CDC123: variants seen among roughly 807,000 people sequenced by gnomAD.
CDC123 encodes the protein translation initiation factor eIF2 assembly protein.
A neutral mutation model predicts 54.4 loss-of-function variants in CDC123; 37 were observed. The ratio of observed to expected loss-of-function variants is 0.68; its 90% confidence interval spans 0.52 to 0.89. The LOEUF is 0.89. Among genes scored for constraint, CDC123 ranks in the 40% least tolerant of loss-of-function variants. The probability of loss-of-function intolerance (pLI) is 0.00; values close to 1 mark genes in which losing one functional copy is unlikely to be tolerated. For synonymous variants in CDC123, 144 were observed against 136.8 expected (o/e 1.05, Z -0.37); for missense variants, 361 against 412.1 (o/e 0.88, Z 1.07).
chr10:12,242,481 CG>C (rs1359158322), intron 10 of CDC123, among the ~76,000 whole-genome samples: 19 of 152,144 alleles, frequency 1.2e-4, no homozygotes, highest in African/African-American at 4.3e-4. Context: ...TTTTGTGTTA[CG>C]ATCTTCATGC....
chr10:12,239,918 G>C (rs1444211592), intron 10 of CDC123, among the ~76,000 whole-genome samples: 1 of 149,758 alleles, frequency 6.7e-6, no homozygotes, highest in East Asian at 2.0e-4. Flanking sequence ...TGAGGCGGGA[G>C]AATGGCGTGA....
chr10:12,234,914 A>G, intron 7 of CDC123, 134 bp from the exon 8 acceptor site: 1 of 625,678 alleles, frequency 1.6e-6, no homozygotes, highest in Non-Finnish European at 2.8e-6. Context: ...ATGCCCGGCC[A>G]AGAATGTCAT....
intron 2 of CDC123, among the ~76,000 whole-genome samples, chr10:12,203,528 G>A (rs1374972621): frequency 6.6e-6 from 1 of 152,168 alleles, no homozygotes; most frequent in Non-Finnish European, 1.5e-5. Flanking sequence ...AGGGTTCGGT[G>A]AGAAAGCATG....
At position 12,224,041 on chromosome 10, in the gene CDC123, A is replaced by C. The variant is rs906826318; in HGVS notation, c.440+6574A>C. On this transcript the variant is annotated intron_variant, in intron 6 of 12. Coordinates refer to ENST00000281141, the MANE Select transcript of CDC123 (RefSeq NM_006023.3). ...CTCACCCTTTCCCCTGAGTCCCAGA[A>C]GTCCAGTGTATCATTTTTATGCCTT... Among the ~76,000 whole-genome samples, 3 of 152,018 alleles carry C rather than the reference A, an allele frequency of 2.0e-5. No individual in the cohort carries two copies. In the East Asian group the frequency reaches 5.8e-4, roughly 29 times the overall value.
At position 12,244,376 on chromosome 10, in the gene CDC123, G is replaced by A. The variant is rs562581849; in HGVS notation, c.718-1773G>A. On this transcript the variant is annotated intron_variant, in intron 10 of 12. Transcript: ENST00000281141. The stretch of plus-strand genomic sequence containing the variant: ...AAAGGAGCAAAGATAAACCTTTCGA[G>A]GAAACATCCATCCACTTCGTGTCAA... Among the ~76,000 whole-genome samples, 4 of 152,366 alleles carry A rather than the reference G, an allele frequency of 2.6e-5. No homozygotes were observed. In the East Asian group the frequency reaches 7.7e-4, roughly 29 times the overall value.
rs1426121676 is a variant in CDC123, at chr10:12,239,714, A to ATT, written c.717+1229_717+1230insTT. ...CAAGAGCGAAACTCTGTTTTTTAAA[A>ATT]AAAAAAAAAAGGGGCCGGGCGCGGT... On this transcript the variant is annotated intron_variant, in intron 10 of 12. Transcript: ENST00000281141. Among the ~76,000 whole-genome samples the ATT allele has an allele frequency of 9.1e-4, 133 of 145,948 alleles. No individual in the cohort carries two copies. The East Asian group carries it at 0.022, about 24-fold the overall frequency.
intron 4 of CDC123, among the ~76,000 whole-genome samples, chr10:12,213,500 T>C (rs1835629059): frequency 6.6e-6 from 1 of 151,510 alleles, no homozygotes; most frequent in Admixed American, 6.6e-5. Flanking sequence ...TAAAGGGACC[T>C]GACAACTAGA....
Position 12,215,854 on chromosome 10 carries a change from T to G in CDC123, c.333+19T>G. On this transcript the variant is annotated intron_variant, in intron 5 of 12. Transcript: ENST00000281141. ...CCCAAGGGTAGGAACACATAAGTAA[T>G]TCTCTTACTGTTTGAATATTCTTTG... The G allele has an allele frequency of 6.8e-7, 1 of 1,463,150 alleles. No homozygotes were observed. The highest frequency in any genetic ancestry group is 9.4e-7 in the Non-Finnish European group (1 of 1,058,574). The allele number at this position is 1,463,150 out of a possible 1,614,324, so 90.6% of individuals were successfully genotyped here. A position where few individuals can be genotyped will look rare whatever the true frequency, so the allele number is the denominator to read the frequency against.
intron 6 of CDC123, among the ~76,000 whole-genome samples, chr10:12,224,391 G>A (rs1190913500): frequency 6.6e-6 from 1 of 151,386 alleles, no homozygotes; most frequent in Non-Finnish European, 1.5e-5. Flanking sequence ...AAATATGCTG[G>A]CATAATTTCA....
At chr10:12,250,255 G>A in intron 12 of CDC123, 56 bp from the exon 13 acceptor site, 1 of 1,115,044 alleles carries the variant, frequency 9.0e-7, no homozygotes, top group Non-Finnish European at 1.3e-6. Context: ...CACCTGCTGA[G>A]CAGATATCCC....
intron 2 of CDC123, among the ~76,000 whole-genome samples, chr10:12,205,134 A>G (rs1470549845): frequency 6.6e-6 from 1 of 151,970 alleles, no homozygotes; most frequent in Admixed American, 6.6e-5. Flanking sequence ...CATGAGTTCA[A>G]TTAGTTTTTA....
intron 7 of CDC123, among the ~76,000 whole-genome samples, chr10:12,233,288 C>CACACACACACA (rs1835927854): frequency 6.7e-6 from 1 of 149,908 alleles, no homozygotes; most frequent in Admixed American, 6.7e-5. Flanking sequence ...TACACACACA[C>CACACACACACA]ACACACACAC....
chr10:12,212,663 G>C (rs1242918189), intron 4 of CDC123, among the ~76,000 whole-genome samples: 1 of 152,106 alleles, frequency 6.6e-6, no homozygotes, highest in African/African-American at 2.4e-5. Context: ...GCACTAACAT[G>C]ACACCACAAG....
intron 6 of CDC123, among the ~76,000 whole-genome samples, chr10:12,220,993 T>C (rs576043840): frequency 6.6e-6 from 1 of 151,446 alleles, no homozygotes; most frequent in African/African-American, 2.4e-5. Context: ...AAAAAAAAGT[T>C]ATAGATTCAT....
intron 5 of CDC123, among the ~76,000 whole-genome samples, chr10:12,216,765 G>T (rs1048040330): frequency 6.6e-6 from 1 of 152,142 alleles, no homozygotes; most frequent in African/African-American, 2.4e-5. Context: ...TAATTATTCT[G>T]TAATTTTTAG....
chr10:12,232,095 C>T (rs548969240), intron 7 of CDC123, among the ~76,000 whole-genome samples: 2 of 152,090 alleles, frequency 1.3e-5, no homozygotes, highest in Admixed American at 6.6e-5. Flanking sequence ...GAAACGCCTG[C>T]CTCAGCCTCC....
At position 12,250,157 on chromosome 10, in the gene CDC123, CAA is replaced by C. The variant is rs772103129; in HGVS notation, c.985-152_985-151del. 1.0e-4 allele frequency: 54 copies of C among 514,574 alleles called. 2 individuals are homozygous for C. The highest frequency in any genetic ancestry group is 1.4e-5 in the Non-Finnish European group (4 of 290,726). 31.9% of individuals were successfully genotyped at this position (514,574 alleles called of 1,614,324 possible). On this transcript the variant is annotated intron_variant, in intron 12 of 12. Coordinates refer to ENST00000281141, the MANE Select transcript of CDC123 (RefSeq NM_006023.3). ...ACCTGAGGATAATTTGCTCAGGAGT[CAA>C]AGTGATAAACTAGTTTAATGAATTA...
At chr10:12,250,278 C>G in intron 12 of CDC123, 33 bp from the exon 13 acceptor site, 2 of 1,430,976 alleles carry the variant, frequency 1.4e-6, no homozygotes, top group Non-Finnish European at 1.9e-6. Flanking sequence ...GGAGCATGTG[C>G]TATTTTAACA....
At chr10:12,220,518 T>G (rs983061320) in intron 6 of CDC123, among the ~76,000 whole-genome samples, 46 of 152,274 alleles carry the variant, frequency 3.0e-4, no homozygotes, top group African/African-American at 1.1e-3. Flanking sequence ...GCTTTCAGCC[T>G]TTTAGCTGGG....
Sources: allele counts gnomAD v4.1 joint callset (sites outside exome capture counted in the v4.1 genomes callset), GRCh38; gene constraint gnomAD v4.1.1; transcripts MANE v1.5; gene names NCBI Gene and HGNC (gene_info 2026-07-23, HGNC 2026-07-21).